LRMDA: variants seen among roughly 807,000 people sequenced by gnomAD.
LRMDA encodes leucine-rich melanocyte differentiation-associated protein.
A neutral mutation model predicts 29.8 loss-of-function variants in LRMDA; 18 were observed. The ratio of observed to expected loss-of-function variants is 0.60; its 90% CI spans 0.42 to 0.90. The LOEUF (loss-of-function observed/expected upper bound fraction) is 0.90, where lower values mean the gene tolerates loss of function less well. LRMDA is among the 40% of genes least tolerant of loss of function. The pLI is 0.00. For synonymous variants in LRMDA, 125 were observed against 109.4 expected (o/e 1.14, Z -0.89); for missense variants, 273 against 273.9 (o/e 1.00, Z 0.02).
At chr10:76,027,110 C>T (rs1379364167) in intron 2 of LRMDA, among the ~76,000 whole-genome samples, 10 of 152,202 alleles carry the variant, frequency 6.6e-5, no homozygotes, top group Non-Finnish European at 1.5e-4. Flanking sequence ...ATCACTGTTT[C>T]TTACACCCTT....
chr10:76,057,492 TA>T (rs1848636430), intron 4 of LRMDA, among the ~76,000 whole-genome samples: 1 of 152,100 alleles, frequency 6.6e-6, no homozygotes, highest in South Asian at 2.1e-4. Context: ...ACAGTTTGGG[TA>T]AGGACATTAA....
At chr10:75,635,792 A>AT (rs56892988) in intron 2 of LRMDA, among the ~76,000 whole-genome samples, 130 of 143,588 alleles carry the variant, frequency 9.1e-4, no homozygotes, top group East Asian at 2.2e-3. Context: ...TTTCCTTGCT[A>AT]TTTTTTTTTT....
At chr10:75,956,129 G>T (rs1463836663) in intron 2 of LRMDA, among the ~76,000 whole-genome samples, 1 of 152,196 alleles carries the variant, frequency 6.6e-6, no homozygotes, top group Non-Finnish European at 1.5e-5. Context: ...CTTGACTGGA[G>T]CTAGAGGATA....
At chr10:75,640,933 A>G (rs975440715) in intron 2 of LRMDA, among the ~76,000 whole-genome samples, 1 of 152,212 alleles carries the variant, frequency 6.6e-6, no homozygotes, top group African/African-American at 2.4e-5. Flanking sequence ...TTCTTCTGCC[A>G]GCTTCCGCAT....
chr10:75,974,090 G>C (rs1847029165), intron 2 of LRMDA, among the ~76,000 whole-genome samples: 1 of 152,152 alleles, frequency 6.6e-6, no homozygotes, highest in Non-Finnish European at 1.5e-5. Context: ...GGCCAGTTTT[G>C]CATCTTCTAT....
chr10:76,063,254 T>C (rs1017544887), intron 5 of LRMDA, among the ~76,000 whole-genome samples: 6 of 152,198 alleles, frequency 3.9e-5, no homozygotes, highest in Admixed American at 3.9e-4. Flanking sequence ...TGGTAATAAA[T>C]ATGTCTGTGA....
At chr10:76,329,455 C>A (rs982526094) in intron 6 of LRMDA, among the ~76,000 whole-genome samples, 14 of 152,070 alleles carry the variant, frequency 9.2e-5, no homozygotes, top group African/African-American at 3.1e-4. Context: ...AGTTAGCTTG[C>A]CATATTAAAC....
At chr10:76,125,612 G>C (rs187230438) in intron 5 of LRMDA, among the ~76,000 whole-genome samples, 13 of 152,320 alleles carry the variant, frequency 8.5e-5, no homozygotes, top group Admixed American at 5.2e-4. Context: ...CCAGAGTACA[G>C]TGAAGGTAGG....
chr10:76,354,425 G>A (rs553031333), intron 6 of LRMDA, among the ~76,000 whole-genome samples: 4 of 152,268 alleles, frequency 2.6e-5, no homozygotes, highest in African/African-American at 9.6e-5. Context: ...TTGATATTTG[G>A]CATATCTCTG....
rs1847122938 is a variant in LRMDA, at chr10:75,979,110, A to T, written c.132-56898A>T. ...GGGTTAGTACTTATAAAGCTCTAAG[A>T]ATAGTGCCAGGCATGTGATGAGTAG... On this transcript the variant is annotated intron_variant, in intron 2 of 6. Coordinates refer to ENST00000611255, the MANE Select transcript of LRMDA (RefSeq NM_001305581.2). Among the ~76,000 whole-genome samples, 3 of 152,326 alleles carry T rather than the reference A, an allele frequency of 2.0e-5. No homozygotes were observed. The South Asian group carries it at 6.2e-4, about 32-fold the overall frequency.
chr10:76,545,071 A>G (rs932883898), intron 6 of LRMDA, among the ~76,000 whole-genome samples: 6 of 152,172 alleles, frequency 3.9e-5, no homozygotes, highest in African/African-American at 1.2e-4. Context: ...GGCCCAAGTA[A>G]GGAAGGCCTT....
At chr10:76,037,575 A>T (rs901421940) in intron 3 of LRMDA, among the ~76,000 whole-genome samples, 3 of 152,230 alleles carry the variant, frequency 2.0e-5, no homozygotes, top group Non-Finnish European at 4.4e-5. Context: ...CTTAAACAAC[A>T]AACATTTATT....
intron 5 of LRMDA, among the ~76,000 whole-genome samples, chr10:76,152,395 T>C (rs1423793114): frequency 6.6e-6 from 1 of 152,246 alleles, no homozygotes; most frequent in Non-Finnish European, 1.5e-5. Context: ...TGTATAGATA[T>C]ACCATATTTT....
intron 2 of LRMDA, among the ~76,000 whole-genome samples, chr10:75,806,946 A>G (rs931527189): frequency 3.3e-5 from 5 of 152,108 alleles, no homozygotes; most frequent in Non-Finnish European, 7.3e-5. Context: ...TTCAGAAGGT[A>G]CTTCCCGCTG....
chr10:75,761,786 A>G (rs1293008814), intron 2 of LRMDA, among the ~76,000 whole-genome samples: 1 of 150,490 alleles, frequency 6.6e-6, no homozygotes, highest in Non-Finnish European at 1.5e-5. Context: ...AGATTTTGGT[A>G]TACTTTTGTT....
intron 5 of LRMDA, among the ~76,000 whole-genome samples, chr10:76,206,994 C>T (rs934926626): frequency 5.9e-5 from 9 of 152,332 alleles, no homozygotes; most frequent in African/African-American, 1.7e-4. Flanking sequence ...GTCATCATTT[C>T]CATTTCATAT....
chr10:76,266,200 T>C (rs559588858), intron 5 of LRMDA, among the ~76,000 whole-genome samples: 16 of 152,128 alleles, frequency 1.1e-4, no homozygotes, highest in African/African-American at 3.9e-4. Context: ...AAGTACACAA[T>C]AAATATTCAC....
At chr10:76,430,752 C>G (rs1256485505) in intron 6 of LRMDA, among the ~76,000 whole-genome samples, 1 of 152,046 alleles carries the variant, frequency 6.6e-6, no homozygotes, top group African/African-American at 2.4e-5. Context: ...AAATGTTAAC[C>G]CAAGGGTGGT....
At chr10:75,908,656 G>A (rs531798773) in intron 2 of LRMDA, among the ~76,000 whole-genome samples, 2 of 152,280 alleles carry the variant, frequency 1.3e-5, no homozygotes, top group Non-Finnish European at 2.9e-5. Flanking sequence ...CTCCATCGAT[G>A]TCATCCTCTT....
Sources: allele counts gnomAD v4.1 joint callset (sites outside exome capture counted in the v4.1 genomes callset), GRCh38; gene constraint gnomAD v4.1.1; transcripts MANE v1.5; gene names NCBI Gene and HGNC (gene_info 2026-07-23, HGNC 2026-07-21).